Variants in CCDC91 observed in about 807,000 individuals in gnomAD.
The protein encoded by CCDC91 is coiled-coil domain containing 91, also known as coiled-coil domain-containing protein 91.
In CCDC91, 48 loss-of-function variants were observed where a neutral mutation model predicts 63.2. The observed-to-expected ratio is 0.76, with a 90% CI of 0.60 to 0.97. The LOEUF is 0.97. Among genes scored for constraint, CCDC91 ranks in the 50% least tolerant of loss-of-function variants. CCDC91 has a pLI of 0.00. For missense variants in CCDC91, 500 were observed against 494.6 expected (o/e 1.01, Z -0.10); for synonymous variants, 167 against 165.8 (o/e 1.01, Z -0.06).
At chr12:28,215,128 G>A (rs1386390048) in intron 1 of CCDC91, among the ~76,000 whole-genome samples, 2 of 152,272 alleles carry the variant, frequency 1.3e-5, no homozygotes, top group South Asian at 4.1e-4. Context: ...TGCTTGAGCT[G>A]GAATGCCAGT....
intron 3 of CCDC91, among the ~76,000 whole-genome samples, chr12:28,291,185 A>T (rs530627626): frequency 2.5e-4 from 38 of 152,340 alleles, no homozygotes; most frequent in African/African-American, 8.2e-4. Flanking sequence ...ATGCTTCAGG[A>T]TTCAGTAACC....
Position 28,391,352 on chromosome 12 carries a change from C to T in CCDC91, c.703C>T (p.Gln235Ter), listed in dbSNP as rs1420847638. ...VKQQVEAIEKQYISAIEKQAH... is the reference protein window; with the variant it reads ...VKQQVEAIEK ...GCAACAAGTAGAAGCTATTGAAAAA[C>T]AGTACATTTCTGCAATTGAGAAACA... The change falls in exon 8 of 13, where the codon CAG becomes TAG. Residue 235 changes from glutamine to a stop codon, truncating the protein, a stop_gained. Transcript: ENST00000536442. LOFTEE classifies it high-confidence loss of function. The T allele has an allele frequency of 2.5e-6, 4 of 1,613,180 alleles. No individual in the cohort carries two copies. The highest frequency in any genetic ancestry group is 2.2e-5 in the East Asian group (1 of 44,792).
At chr12:28,260,612 T>G (rs1946763227) in intron 3 of CCDC91, among the ~76,000 whole-genome samples, 1 of 151,988 alleles carries the variant, frequency 6.6e-6, no homozygotes, top group Non-Finnish European at 1.5e-5. Context: ...CTCCCATGTC[T>G]ACGTGCACCT....
At chr12:28,370,672 A>T (rs1944561350) in intron 7 of CCDC91, among the ~76,000 whole-genome samples, 1 of 152,154 alleles carries the variant, frequency 6.6e-6, no homozygotes, top group Non-Finnish European at 1.5e-5. Context: ...CAGTTTTCAC[A>T]CTGTTGTAAA....
At chr12:28,199,563 A>G (rs1942048992) in intron 1 of CCDC91, among the ~76,000 whole-genome samples, 2 of 152,154 alleles carry the variant, frequency 1.3e-5, no homozygotes, top group South Asian at 2.1e-4. Flanking sequence ...ATGTAGATTC[A>G]AGTATACTGT....
chr12:28,535,586 A>C (rs1439613840), intron 12 of CCDC91, among the ~76,000 whole-genome samples: 1 of 152,208 alleles, frequency 6.6e-6, no homozygotes, highest in Non-Finnish European at 1.5e-5. Context: ...ACTTTTTTAA[A>C]CAACAAAATT....
Position 28,392,494 on chromosome 12 carries a change from G to A in CCDC91, c.762+1083G>A, listed in dbSNP as rs141179882. 8.5e-5 allele frequency among the ~76,000 whole-genome samples: 13 copies of A among 152,238 alleles called. No individual in the cohort carries two copies. The East Asian group carries it at 2.5e-3, about 29-fold the overall frequency. On this transcript the variant is annotated intron_variant, in intron 8 of 12. Transcript: ENST00000536442. Reference sequence around the variant, plus strand: ...AGTGAAAGAGAGCCGTGTTAGATTTGTATCTGTAATTAAATACTCTGGCCT... The same window carrying A: ...AGTGAAAGAGAGCCGTGTTAGATTTATATCTGTAATTAAATACTCTGGCCT...
At chr12:28,349,546 T>C (rs929968277) in intron 6 of CCDC91, among the ~76,000 whole-genome samples, 15 of 152,300 alleles carry the variant, frequency 9.8e-5, no homozygotes, top group African/African-American at 3.4e-4. Flanking sequence ...TTTAATTTCT[T>C]AGTTTTTGAG....
intron 8 of CCDC91, among the ~76,000 whole-genome samples, chr12:28,413,940 C>T (rs1247434277): frequency 6.6e-6 from 1 of 152,166 alleles, no homozygotes; most frequent in Non-Finnish European, 1.5e-5. Flanking sequence ...TGTCCTTTCT[C>T]TACGATCTCT....
chr12:28,503,195 G>T (rs1938199053), intron 12 of CCDC91, among the ~76,000 whole-genome samples: 1 of 151,920 alleles, frequency 6.6e-6, no homozygotes, highest in Non-Finnish European at 1.5e-5. Context: ...CTGACAAAGG[G>T]CTAATATCCA....
At chr12:28,316,928 A>G (rs1939953576) in intron 6 of CCDC91, among the ~76,000 whole-genome samples, 1 of 151,778 alleles carries the variant, frequency 6.6e-6, no homozygotes, top group Non-Finnish European at 1.5e-5. Context: ...TCTGGAAAGT[A>G]TTTAGAGTTT....
At chr12:28,514,707 A>C (rs767645686) in intron 12 of CCDC91, among the ~76,000 whole-genome samples, 2 of 151,728 alleles carry the variant, frequency 1.3e-5, no homozygotes, top group Non-Finnish European at 2.9e-5. Context: ...TCTCCATATG[A>C]CTAGCCAGTT....
At chr12:28,305,960 C>CA (rs931697978) in intron 4 of CCDC91, among the ~76,000 whole-genome samples, 154 bp downstream of exon 4, 2 of 151,926 alleles carry the variant, frequency 1.3e-5, no homozygotes, top group African/African-American at 2.4e-5. Flanking sequence ...ACTTAGAATT[C>CA]AAAAAAACTA....
At chr12:28,289,570 C>T (rs775627072) in intron 3 of CCDC91, among the ~76,000 whole-genome samples, 2 of 151,606 alleles carry the variant, frequency 1.3e-5, no homozygotes, top group Non-Finnish European at 2.9e-5. Context: ...AGTTCTTTTG[C>T]ATTTGTTGAG....
intron 1 of CCDC91, among the ~76,000 whole-genome samples, chr12:28,191,682 T>C (rs1471204947): frequency 6.6e-6 from 1 of 152,166 alleles, no homozygotes; most frequent in Non-Finnish European, 1.5e-5. Context: ...GACAACAAAT[T>C]CGCTGTTGTG....
At chr12:28,361,871 G>A (rs1943910400) in intron 6 of CCDC91, among the ~76,000 whole-genome samples, 1 of 121,808 alleles carries the variant, frequency 8.2e-6, no homozygotes, top group African/African-American at 3.1e-5. Context: ...TTTTCTGTGT[G>A]TGTGGGAGGG....
At chr12:28,214,637 T>C (rs975071737) in intron 1 of CCDC91, among the ~76,000 whole-genome samples, 1 of 152,150 alleles carries the variant, frequency 6.6e-6, no homozygotes, top group Non-Finnish European at 1.5e-5. Flanking sequence ...TCATGTAATA[T>C]AAGATAGTTC....
intron 8 of CCDC91, among the ~76,000 whole-genome samples, chr12:28,433,265 T>A (rs1431597811): frequency 6.6e-6 from 1 of 151,998 alleles, no homozygotes; most frequent in African/African-American, 2.4e-5. Context: ...GAATTGTGCC[T>A]TTGGTGTTAT....
intron 12 of CCDC91, among the ~76,000 whole-genome samples, chr12:28,524,271 G>C (rs1941049506): frequency 6.6e-6 from 1 of 152,088 alleles, no homozygotes; most frequent in Non-Finnish European, 1.5e-5. Context: ...GTCATAAATG[G>C]TTTTTATTAC....
Sources: gnomAD v4.1 joint callset for allele counts (sites outside exome capture counted in the v4.1 genomes callset) on GRCh38, gnomAD v4.1.1 for gene constraint, MANE v1.5 for transcripts, NCBI Gene and HGNC (gene_info 2026-07-23, HGNC 2026-07-21) for gene names.